The following SPTB variants were observed in gnomAD, a reference collection of about 807,000 sequenced individuals.
The protein encoded by SPTB is spectrin beta chain, erythrocytic.
SPTB carries 45 observed loss-of-function variants against 256.2 expected under a neutral mutation model. The observed-to-expected ratio is 0.18, with a 90% confidence interval of 0.14 to 0.23. The LOEUF (loss-of-function observed/expected upper bound fraction) is 0.23, where lower values mean the gene tolerates loss of function less well. Ranked by LOEUF, SPTB falls within the 10% of genes least tolerant of loss-of-function variation. The pLI is 1.00. For synonymous variants in SPTB, 1,231 were observed against 1,243.1 expected (o/e 0.99, Z 0.21); for missense variants, 2,715 against 3,040.4 (o/e 0.89, Z 2.52).
intron 1 of SPTB, among the ~76,000 whole-genome samples, chr14:64,860,615 G>A (rs1384630379): frequency 1.3e-5 from 2 of 152,102 alleles, no homozygotes; most frequent in Non-Finnish European, 2.9e-5. Context: ...AAAGGATCGA[G>A]CCTGCCTCAG....
In SPTB at chr14:64,823,268, T is replaced by C. The variant is rs1193333196; in HGVS notation, c.-51-123A>G. ...GACAGAAGCAGAACGCCATGTCATC[T>C]GCCTGGGCGTGCTTCCTACCAGGGT... On this transcript the variant is annotated intron_variant, in intron 1 of 35. Coordinates refer to ENST00000644917, the MANE Select transcript of SPTB (RefSeq NM_001355436.2). The surrounding 1 kb of genome is among the most constrained non-coding windows in gnomAD (Gnocchi z 6.5). 5.5e-6 allele frequency: 4 copies of C among 731,884 alleles called. No individual in the cohort carries two copies. Among genetic ancestry groups the C allele is most frequent in the Non-Finnish European group, 9.5e-6 (4 of 422,474 alleles). 45.3% of individuals were successfully genotyped at this position (731,884 alleles called of 1,614,324 possible).
rs229631 is a variant in SPTB at position 64,785,725 on chromosome 14, C to T, written c.3764+24G>A. The T allele has an allele frequency of 6.8e-3, 10,906 of 1,613,964 alleles. 611 individuals are homozygous for T. The African/African-American group carries it at 0.12, about 18-fold the overall frequency. ...TACCCCCGTGTGGCTCTGGGGGCCT[C>T]GTGGCCCTGGGGCCCGGGAGTACCT... On this transcript the variant is annotated intron_variant, in intron 17 of 35. Transcript: ENST00000644917. The surrounding 1 kb of genome is among the most constrained non-coding windows in gnomAD (Gnocchi z 4.4).
In SPTB at chr14:64,760,936, AC is replaced by A. The variant is rs1197757575; in HGVS notation, c.6345+5789del. On this transcript the variant is annotated intron_variant, in intron 32 of 35. Transcript: ENST00000644917. The surrounding 1 kb of genome is among the most constrained non-coding windows in gnomAD (Gnocchi z 4.3). Reference sequence around the variant, plus strand: ...TGCAAGAGAGGAGACCTGTATCCTCACTCCAGAGGAAAGCACCTGCCCGATG... The same window carrying A: ...TGCAAGAGAGGAGACCTGTATCCTCATCCAGAGGAAAGCACCTGCCCGATG... 6.6e-6 allele frequency among the ~76,000 whole-genome samples: 1 copy of A among 152,198 alleles called. No individual in the cohort carries two copies. Among genetic ancestry groups the A allele is most frequent in the Non-Finnish European group, 1.5e-5 (1 of 68,028 alleles).
In SPTB at chr14:64,767,325, C is replaced by T. The variant is rs1186658009; in HGVS notation, c.6247G>A (p.Glu2083Lys). Residue 2083 changes from glutamate (E) to lysine (K), a missense_variant, in exon 31 of 36, where the codon GAG (glutamate) becomes AAG (lysine). Transcript: ENST00000644917. ...TLELKERQIA[E>K]RPAEETGPQE... ...CACCCAGTCTCCTCTGCGGGTCTCT[C>T]TGCAATCTGGCGTTCTTTCAGCTCA... 1 of 1,613,994 alleles carries T rather than the reference C, an allele frequency of 6.2e-7. No homozygotes were observed. Among genetic ancestry groups the T allele is most frequent in the Admixed American group, 1.7e-5 (1 of 60,006 alleles).
intron 1 of SPTB, among the ~76,000 whole-genome samples, chr14:64,840,644 C>G (rs1031859709): frequency 1.3e-5 from 2 of 152,196 alleles, no homozygotes; most frequent in Admixed American, 6.5e-5. Flanking sequence ...CGAACCTATT[C>G]ACACACCTCA....
At chr14:64,812,499 A>G (rs1359183891) in intron 2 of SPTB, among the ~76,000 whole-genome samples, 1 of 152,174 alleles carries the variant, frequency 6.6e-6, no homozygotes, top group African/African-American at 2.4e-5. Flanking sequence ...CCACACAGCT[A>G]CTTCTGAGGT....
chr14:64,836,387 T>A (rs1019572555), intron 1 of SPTB, among the ~76,000 whole-genome samples: 1 of 152,160 alleles, frequency 6.6e-6, no homozygotes, highest in Non-Finnish European at 1.5e-5. Flanking sequence ...AATGAAGTTA[T>A]ATGAAAATAA....
chr14:64,877,000 G>T (rs1882855487), intron 1 of SPTB, among the ~76,000 whole-genome samples: 1 of 152,092 alleles, frequency 6.6e-6, no homozygotes, highest in Non-Finnish European at 1.5e-5. Context: ...CACATGGAAG[G>T]CTGGGTTCAG....
chr14:64,796,042 C>T lies in SPTB; in HGVS notation c.1342-403G>A, dbSNP rs1248645576. 2.0e-5 allele frequency among the ~76,000 whole-genome samples: 3 copies of T among 152,160 alleles called. No individual in the cohort carries two copies. Among genetic ancestry groups the T allele is most frequent in the African/African-American group, 4.8e-5 (2 of 41,426 alleles). On this transcript the variant is annotated intron_variant, in intron 11 of 35. Transcript: ENST00000644917. The surrounding 1 kb of genome is among the most constrained non-coding windows in gnomAD (Gnocchi z 4.1). ...GTTTATTCACATGCTATCTGGGGTG[C>T]GCATACACTCTCCAGTGCTCTCAGA...
rs867182505 is a variant in SPTB, at chr14:64,802,880, G to A, written c.475-563C>T. Among the ~76,000 whole-genome samples, 2 of 152,178 alleles carry A rather than the reference G, an allele frequency of 1.3e-5. No homozygotes were observed. The highest frequency in any genetic ancestry group is 4.8e-5 in the African/African-American group (2 of 41,444). On this transcript the variant is annotated intron_variant, in intron 4 of 35. Coordinates refer to ENST00000644917, the MANE Select transcript of SPTB (RefSeq NM_001355436.2). The surrounding 1 kb of genome is among the most constrained non-coding windows in gnomAD (Gnocchi z 5.1). ...AAGATGCCCTGATTCCTCCTCTGGA[G>A]GTGCAATGCCCCTTGAGGCTGTGGA...
At chr14:64,856,218 C>T (rs1486071265) in intron 1 of SPTB, among the ~76,000 whole-genome samples, 2 of 152,230 alleles carry the variant, frequency 1.3e-5, no homozygotes, top group South Asian at 2.1e-4. Flanking sequence ...CCAGGAATCT[C>T]GCTTCAGTTT....
At chr14:64,846,517 C>G (rs2083695223) in intron 1 of SPTB, among the ~76,000 whole-genome samples, 1 of 152,224 alleles carries the variant, frequency 6.6e-6, no homozygotes, top group South Asian at 2.1e-4. Flanking sequence ...ACCTGGATGA[C>G]AGCATGAGGC....
intron 15 of SPTB, among the ~76,000 whole-genome samples, chr14:64,788,963 G>GT (rs1220881353): frequency 6.6e-6 from 1 of 152,346 alleles, no homozygotes; most frequent in South Asian, 2.1e-4. Flanking sequence ...AAAAACCTTA[G>GT]TTTTTTCCCA....
At chr14:64,789,143 G>A (rs2082625241) in intron 15 of SPTB, among the ~76,000 whole-genome samples, 1 of 151,986 alleles carries the variant, frequency 6.6e-6, no homozygotes, top group African/African-American at 2.4e-5. Flanking sequence ...TTGAGCCCAG[G>A]AGTTCAAGAC....
rs371591988 is a variant in SPTB, at chr14:64,785,451, G to C, written c.3855+86C>G. The C allele has an allele frequency of 1.7e-3, 2,083 of 1,223,644 alleles. 36 individuals are homozygous for C. The South Asian group carries it at 0.017, about 10-fold the overall frequency. 75.8% of individuals were successfully genotyped at this position (1,223,644 alleles called of 1,614,324 possible). On this transcript the variant is annotated intron_variant, in intron 18 of 35. Coordinates refer to ENST00000644917, the MANE Select transcript of SPTB (RefSeq NM_001355436.2). The surrounding 1 kb of genome is among the most constrained non-coding windows in gnomAD (Gnocchi z 4.4). Reference sequence around the variant, plus strand: ...ATCCCACAGCTCTTGAGCTAGAAAGGATCCCTGTGGACTTCCTGCCTTGAG... The same window carrying C: ...ATCCCACAGCTCTTGAGCTAGAAAGCATCCCTGTGGACTTCCTGCCTTGAG...
intron 24 of SPTB, 121 bp from the exon 25 acceptor site, chr14:64,773,545 C>T: frequency 1.9e-6 from 2 of 1,070,754 alleles, no homozygotes; most frequent in East Asian, 4.7e-5. Flanking sequence ...GAGTGAAGCT[C>T]TGGAGAAATG....
intron 15 of SPTB, among the ~76,000 whole-genome samples, chr14:64,787,482 C>T (rs1162173680): frequency 1.3e-5 from 2 of 152,142 alleles, no homozygotes; most frequent in Non-Finnish European, 2.9e-5. Flanking sequence ...TATACAATTT[C>T]CCCAGAGTTT....
intron 2 of SPTB, among the ~76,000 whole-genome samples, chr14:64,812,823 G>C (rs993734601): frequency 6.6e-6 from 1 of 152,048 alleles, no homozygotes; most frequent in African/African-American, 2.4e-5. Flanking sequence ...TCCCATTTCT[G>C]GGTCCACCTA....
Position 64,791,772 on chromosome 14 carries a change from A to G in SPTB, c.2751T>C (p.Ser917=), listed in dbSNP as rs1314869169. The G allele has an allele frequency of 3.1e-6, 5 of 1,613,890 alleles. No homozygotes were observed. The highest frequency in any genetic ancestry group is 4.2e-6 in the Non-Finnish European group (5 of 1,179,976). ...VNLAANSLVE[S]GHPRSREVKQ... Reference sequence around the variant, plus strand: ...TCACCTCCCTGCTGCGTGGGTGGCCACTCTCTACCAAGCTGTTGGCAGCGA... The same window carrying G: ...TCACCTCCCTGCTGCGTGGGTGGCCGCTCTCTACCAAGCTGTTGGCAGCGA... The change falls in exon 15 of 36, where the codon AGT becomes AGC. Residue 917 remains serine (S), a synonymous_variant. Transcript: ENST00000644917.
Sources: allele counts gnomAD v4.1 joint callset (sites outside exome capture counted in the v4.1 genomes callset), GRCh38; gene constraint gnomAD v4.1.1; non-coding constraint Gnocchi (gnomAD v3.1); transcripts MANE v1.5; gene names NCBI Gene and HGNC (gene_info 2026-07-23, HGNC 2026-07-21).